PPP6R1: variants seen among roughly 807,000 people sequenced by gnomAD.
PPP6R1 encodes serine/threonine-protein phosphatase 6 regulatory subunit 1.
PPP6R1 carries 39 observed loss-of-function variants against 104.6 expected under a neutral mutation model. The ratio of observed to expected loss-of-function variants is 0.37; its 90% confidence interval spans 0.29 to 0.49. The LOEUF is 0.49. PPP6R1 is among the 20% of genes least tolerant of loss of function. The probability of loss-of-function intolerance (pLI) is 0.98; values close to 1 mark genes in which losing one functional copy is unlikely to be tolerated. For missense variants in PPP6R1, 1,181 were observed against 1,155.8 expected (o/e 1.02, Z -0.32); for synonymous variants, 549 against 479.0 (o/e 1.15, Z -1.91).
chr19:55,240,526 C>CAT, intron 10 of PPP6R1, among the ~76,000 whole-genome samples: 1 of 142,044 alleles, frequency 7.0e-6, no homozygotes, highest in African/African-American at 2.9e-5. Context: ...CACACACACA[C>CAT]ACACACACAC....
intron 1 of PPP6R1, chr19:55,247,514 C>A (rs2087520091): frequency 5.3e-6 from 1 of 188,520 alleles, no homozygotes; most frequent in East Asian, 1.5e-4. Flanking sequence ...CCTGTCTCCC[C>A]ATGAGGGTCT....
intron 1 of PPP6R1, among the ~76,000 whole-genome samples, chr19:55,249,684 T>C (rs924857176): frequency 6.6e-6 from 1 of 152,022 alleles, no homozygotes; most frequent in Non-Finnish European, 1.5e-5. Flanking sequence ...CTACTAAAAA[T>C]ACAAAAATTA....
chr19:55,242,142 T>C, intron 7 of PPP6R1, 24 bp downstream of exon 7: 1 of 1,599,320 alleles, frequency 6.3e-7, no homozygotes. Flanking sequence ...GCAGCATGCA[T>C]GGTCTGTGGC....
chr19:55,238,149 C>T (rs1278173880), intron 15 of PPP6R1, among the ~76,000 whole-genome samples: 1 of 152,132 alleles, frequency 6.6e-6, no homozygotes, highest in African/African-American at 2.4e-5. Context: ...GATCCTCCTG[C>T]CTCGGCCTCC....
At chr19:55,246,711 G>C (rs2087511771) in intron 2 of PPP6R1, among the ~76,000 whole-genome samples, 166 bp downstream of exon 2, 1 of 152,212 alleles carries the variant, frequency 6.6e-6, no homozygotes, top group Non-Finnish European at 1.5e-5. Context: ...CACCCGGTGA[G>C]CTGTGAGGCC....
chr19:55,239,203 G>A (rs1263015612), intron 15 of PPP6R1: 1 of 600,916 alleles, frequency 1.7e-6, no homozygotes, highest in Non-Finnish European at 3.0e-6. Context: ...AGACTGCAGA[G>A]CTGGAACTCA....
intron 1 of PPP6R1, among the ~76,000 whole-genome samples, chr19:55,250,937 G>A (rs146018346): frequency 2.2e-4 from 33 of 152,260 alleles, no homozygotes; most frequent in African/African-American, 7.0e-4. Flanking sequence ...TCAGCGCCTG[G>A]GACCCTCAAT....
At chr19:55,248,281 GCC>G (rs1329838270) in intron 1 of PPP6R1, among the ~76,000 whole-genome samples, 1 of 152,000 alleles carries the variant, frequency 6.6e-6, no homozygotes, top group Admixed American at 6.6e-5. Context: ...TCATCACTCC[GCC>G]ACACAGGACA....
chr19:55,230,539 C>T lies in PPP6R1; in HGVS notation c.2643-8G>A, dbSNP rs376211837. Reference sequence around the variant, plus strand: ...GCCGCACCAGGCAGCTATCTGGAAACAGAGGGAGATGTCGTGTGAGGGTCT... The same window carrying T: ...GCCGCACCAGGCAGCTATCTGGAAATAGAGGGAGATGTCGTGTGAGGGTCT... On this transcript the variant is annotated splice_polypyrimidine_tract_variant and splice_region_variant and intron_variant, in intron 23 of 23. Coordinates refer to ENST00000412770, the MANE Select transcript of PPP6R1 (RefSeq NM_014931.4). The T allele has an allele frequency of 1.3e-4, 216 of 1,613,434 alleles. No homozygotes were observed. Among genetic ancestry groups the T allele is most frequent in the Non-Finnish European group, 1.8e-4 (210 of 1,179,822 alleles).
intron 5 of PPP6R1, among the ~76,000 whole-genome samples, chr19:55,243,717 A>G (rs1323017062): frequency 6.6e-6 from 1 of 152,182 alleles, no homozygotes; most frequent in East Asian, 1.9e-4. Flanking sequence ...CAGTGGTGCC[A>G]TCACAGCTCA....
Position 55,241,404 on chromosome 19 carries a change from G to A in PPP6R1, c.1009-13C>T. 6.2e-7 allele frequency: 1 copy of A among 1,603,490 alleles called. No individual in the cohort carries two copies. The stretch of plus-strand genomic sequence containing the variant: ...GTAGCGGCTCCAGCTGCAGACACAG[G>A]GAGGCCTGATTCCCAAGGGCTGCCC... On this transcript the variant is annotated splice_polypyrimidine_tract_variant and intron_variant, in intron 8 of 23. Transcript: ENST00000412770. The surrounding 1 kb of genome is among the most constrained non-coding windows in gnomAD (Gnocchi z 5.4).
At chr19:55,254,294 A>G (rs1047631801) in intron 1 of PPP6R1, among the ~76,000 whole-genome samples, 1 of 152,234 alleles carries the variant, frequency 6.6e-6, no homozygotes, top group African/African-American at 2.4e-5. Context: ...AAACGGAAGA[A>G]GGGGAAATTG....
chr19:55,254,442 G>A (rs2087577518), intron 1 of PPP6R1, among the ~76,000 whole-genome samples: 1 of 152,124 alleles, frequency 6.6e-6, no homozygotes, highest in Non-Finnish European at 1.5e-5. Context: ...TCAAGGGCCT[G>A]CCAGCCCCTT....
At position 55,258,576 on chromosome 19, in the gene PPP6R1, G is replaced by A. The variant is rs1213241402; in HGVS notation, c.-148C>T. ...CGTCGGGGACTCGCGCAGGCGCCGG[G>A]GCTCGCGGGGTCCGCGCAGGCGCCC... On this transcript the variant is annotated 5_prime_UTR_variant, in exon 1 of 24. Coordinates refer to ENST00000412770, the MANE Select transcript of PPP6R1 (RefSeq NM_014931.4). 2 of 149,328 alleles carry A rather than the reference G, an allele frequency of 1.3e-5. No individual in the cohort carries two copies. The highest frequency in any genetic ancestry group is 1.5e-5 in the Non-Finnish European group (1 of 67,328). The allele number at this position is 149,328 out of a possible 1,614,324, so 9.3% of individuals were successfully genotyped here.
intron 1 of PPP6R1, chr19:55,255,845 G>A (rs11883112): frequency 0.15 from 22,141 of 152,666 alleles, 1,728 homozygotes; most frequent in Middle Eastern, 0.2. Context: ...CCGCATCTGT[G>A]TTAGAGGCCT....
intron 2 of PPP6R1, among the ~76,000 whole-genome samples, 170 bp downstream of exon 2, chr19:55,246,707 G>A (rs2087511719): frequency 2.0e-5 from 3 of 152,198 alleles, no homozygotes; most frequent in Admixed American, 6.5e-5. Context: ...TCTGCACCCG[G>A]TGAGCTGTGA....
Position 55,245,921 on chromosome 19 carries a change from G to A in PPP6R1, c.228-243C>T, listed in dbSNP as rs957513260. 5.9e-5 allele frequency among the ~76,000 whole-genome samples: 9 copies of A among 152,046 alleles called. No homozygotes were observed. ...CTCCTTACCACCCCCAAGACAAGCT[G>A]GTCCTGAAGCTCCTGCGCTTCCCAA... is the stretch of plus-strand genomic sequence containing the variant. On this transcript the variant is annotated intron_variant, in intron 2 of 23. Transcript: ENST00000412770. This position sits in a 1 kb window ranked among gnomAD's most constrained non-coding sequence, Gnocchi z 6.4.
intron 5 of PPP6R1, 41 bp from the exon 6 acceptor site, chr19:55,242,529 C>A: frequency 6.5e-7 from 1 of 1,549,100 alleles, no homozygotes; most frequent in South Asian, 1.1e-5. Flanking sequence ...GGTCGGGCCA[C>A]CGGGCCCTCT....
chr19:55,230,558 A>C (rs1386233602), intron 23 of PPP6R1, 27 bp from the exon 24 acceptor site: 3 of 1,613,390 alleles, frequency 1.9e-6, no homozygotes, highest in Non-Finnish European at 2.5e-6. Context: ...ATGTCGTGTG[A>C]GGGTCTAGCA....
Sources: allele counts gnomAD v4.1 joint callset (sites outside exome capture counted in the v4.1 genomes callset), GRCh38; gene constraint gnomAD v4.1.1; non-coding constraint Gnocchi (gnomAD v3.1); transcripts MANE v1.5; gene names NCBI Gene and HGNC (gene_info 2026-07-23, HGNC 2026-07-21).